The following COBL variants were observed in gnomAD, a reference collection of about 807,000 sequenced individuals.
COBL encodes cordon-bleu WH2 repeat protein, also known as protein cordon-bleu.
Under a neutral mutation model 98.8 loss-of-function variants are expected in COBL, and 51 were observed. The observed-to-expected ratio is 0.52, with a 90% CI of 0.41 to 0.65. COBL has a LOEUF of 0.65. COBL is among the 30% of genes least tolerant of loss of function. The probability of loss-of-function intolerance (pLI) is 0.00; values close to 1 mark genes in which losing one functional copy is unlikely to be tolerated. For synonymous variants in COBL, 634 were observed against 651.7 expected (o/e 0.97, Z 0.41); for missense variants, 1,617 against 1,617.5 (o/e 1.00, Z 0.01).
chr7:51,158,409 C>A (rs2129031468), intron 5 of COBL, among the ~76,000 whole-genome samples: 1 of 152,064 alleles, frequency 6.6e-6, no homozygotes, highest in East Asian at 1.9e-4. Flanking sequence ...TCACACGCGT[C>A]CACAGCCTGT....
At chr7:51,302,628 C>T (rs1563145557) in intron 1 of COBL, among the ~76,000 whole-genome samples, 1 of 150,490 alleles carries the variant, frequency 6.6e-6, no homozygotes, top group Non-Finnish European at 1.5e-5. Context: ...TGGGTGTGGT[C>T]GCTCAGGCCT....
chr7:51,212,498 G>A (rs950379694), intron 2 of COBL, among the ~76,000 whole-genome samples: 2 of 152,108 alleles, frequency 1.3e-5, no homozygotes, highest in South Asian at 2.1e-4. Flanking sequence ...AGGGGACTTC[G>A]ATCTACATTA....
chr7:51,280,383 A>G (rs1799709724), intron 1 of COBL, among the ~76,000 whole-genome samples: 1 of 152,182 alleles, frequency 6.6e-6, no homozygotes, highest in Non-Finnish European at 1.5e-5. Flanking sequence ...CTGAGGTGGC[A>G]GAGTGGGTGA....
At chr7:51,048,754 G>C (rs1412530295) in intron 7 of COBL, among the ~76,000 whole-genome samples, 1 of 151,660 alleles carries the variant, frequency 6.6e-6, no homozygotes, top group Non-Finnish European at 1.5e-5. Flanking sequence ...GTTTATCCTT[G>C]TGCTAATAGA....
chr7:51,048,047 A>C (rs1789887429), intron 7 of COBL, among the ~76,000 whole-genome samples: 1 of 152,072 alleles, frequency 6.6e-6, no homozygotes, highest in African/African-American at 2.4e-5. Context: ...CACACCTGTA[A>C]TCCCAGCTAC....
chr7:51,018,664 G>A (rs901527164), intron 12 of COBL, among the ~76,000 whole-genome samples: 6 of 151,592 alleles, frequency 4.0e-5, no homozygotes, highest in South Asian at 2.1e-4. Context: ...AGGCCAAGGC[G>A]GGCAGATCAC....
intron 7 of COBL, among the ~76,000 whole-genome samples, chr7:51,067,447 T>C (rs950340849): frequency 6.6e-6 from 1 of 152,248 alleles, no homozygotes; most frequent in African/African-American, 2.4e-5. Flanking sequence ...ATTGTGTGGG[T>C]ATGCATACAT....
At chr7:51,177,808 AAATAAAT>A (rs869292679) in intron 5 of COBL, among the ~76,000 whole-genome samples, 6 of 150,930 alleles carry the variant, frequency 4.0e-5, no homozygotes, top group Admixed American at 1.3e-4. Context: ...ATAAATAAAT[AAATAAAT>A]AAAAATTTAA....
chr7:51,304,975 C>A (rs1316671952), intron 1 of COBL, among the ~76,000 whole-genome samples: 2 of 152,140 alleles, frequency 1.3e-5, no homozygotes, highest in Non-Finnish European at 2.9e-5. Context: ...TACCAGAGAG[C>A]TGCAAACCAG....
intron 6 of COBL, among the ~76,000 whole-genome samples, chr7:51,106,617 G>C (rs1040268184): frequency 6.6e-6 from 1 of 152,166 alleles, no homozygotes; most frequent in Non-Finnish European, 1.5e-5. Flanking sequence ...CATCGATTCT[G>C]CTTTATTCTT....
chr7:51,025,597 TATGAACCA>T (rs753303473), intron 11 of COBL, among the ~76,000 whole-genome samples: 14 of 152,282 alleles, frequency 9.2e-5, no homozygotes, highest in Non-Finnish European at 2.1e-4. Flanking sequence ...AGGCACTGTC[TATGAACCA>T]GAATGTGGGC....
chr7:51,301,447 C>T (rs963420788), intron 1 of COBL, among the ~76,000 whole-genome samples: 4 of 152,244 alleles, frequency 2.6e-5, no homozygotes, highest in African/African-American at 9.6e-5. Flanking sequence ...AGTGGCACTG[C>T]CCCTTCCTTC....
chr7:51,072,920 TAGAC>T (rs1430741134), intron 7 of COBL: 2 of 154,122 alleles, frequency 1.3e-5, no homozygotes, highest in Non-Finnish European at 2.9e-5. Context: ...TTTTACCAGG[TAGAC>T]AGAAAGTTTC....
chr7:51,141,628 T>C (rs539797294), intron 5 of COBL, among the ~76,000 whole-genome samples: 3 of 150,858 alleles, frequency 2.0e-5, no homozygotes, highest in African/African-American at 5.0e-5. Flanking sequence ...TGAAAGGCTT[T>C]ACAACTTTTT....
At chr7:51,110,204 T>C (rs1267172624) in intron 6 of COBL, among the ~76,000 whole-genome samples, 2 of 152,208 alleles carry the variant, frequency 1.3e-5, no homozygotes, top group Non-Finnish European at 2.9e-5. Flanking sequence ...CACTAGAACT[T>C]ATTCCTTCGA....
chr7:51,224,738 C>G (rs1351375165), intron 1 of COBL, among the ~76,000 whole-genome samples: 1 of 152,110 alleles, frequency 6.6e-6, no homozygotes, highest in East Asian at 1.9e-4. Flanking sequence ...TCACTGTAAC[C>G]TCTGCCTCCC....
At chr7:51,045,115 C>G (rs763662515) in intron 7 of COBL, among the ~76,000 whole-genome samples, 1 of 152,182 alleles carries the variant, frequency 6.6e-6, no homozygotes, top group East Asian at 1.9e-4. Flanking sequence ...GAAGAAACGT[C>G]GCTGTAGCTC....
intron 1 of COBL, among the ~76,000 whole-genome samples, chr7:51,306,153 C>T (rs1214311594): frequency 6.6e-6 from 1 of 152,114 alleles, no homozygotes; most frequent in Non-Finnish European, 1.5e-5. Flanking sequence ...AACACAGTGA[C>T]ACTAGGCACC....
intron 1 of COBL, among the ~76,000 whole-genome samples, chr7:51,282,297 C>T (rs1799882758): frequency 1.3e-5 from 2 of 152,118 alleles, no homozygotes; most frequent in South Asian, 4.1e-4. Flanking sequence ...AACTAAAAGA[C>T]AGATATTATT....
Sources: gnomAD v4.1 joint callset for allele counts (sites outside exome capture counted in the v4.1 genomes callset) on GRCh38, gnomAD v4.1.1 for gene constraint, MANE v1.5 for transcripts, NCBI Gene and HGNC (gene_info 2026-07-23, HGNC 2026-07-21) for gene names.